Variants in SNX1 observed in about 807,000 individuals in gnomAD.
SNX1 encodes the protein sorting nexin 1, also known as sorting nexin-1.
A neutral mutation model predicts 71.8 loss-of-function variants in SNX1; 36 were observed. The observed-to-expected ratio is 0.50, with a 90% CI of 0.38 to 0.66. SNX1 has a LOEUF of 0.66. Among genes scored for constraint, SNX1 ranks in the 30% least tolerant of loss-of-function variants. The probability of loss-of-function intolerance (pLI) is 0.00; values close to 1 mark genes in which losing one functional copy is unlikely to be tolerated. For synonymous variants in SNX1, 254 were observed against 240.7 expected (o/e 1.06, Z -0.51); for missense variants, 612 against 646.7 (o/e 0.95, Z 0.58).
chr15:64,131,598 A>G, intron 10 of SNX1, 89 bp from the exon 11 acceptor site: 2 of 1,285,640 alleles, frequency 1.6e-6, no homozygotes, highest in Admixed American at 3.7e-5. Flanking sequence ...AGTGGGCGGC[A>G]TTGCTAAGAC....
At chr15:64,116,503 G>A (rs190373543) in intron 2 of SNX1, among the ~76,000 whole-genome samples, 4 of 152,308 alleles carry the variant, frequency 2.6e-5, no homozygotes, top group Admixed American at 2.6e-4. Flanking sequence ...TGGCACCCCT[G>A]TTTGCAGACT....
chr15:64,130,177 A>T (rs35179706), intron 9 of SNX1, 51 bp from the exon 10 acceptor site: 2 of 1,531,054 alleles, frequency 1.3e-6, no homozygotes, highest in Admixed American at 1.7e-5. Flanking sequence ...GAAAGACTGT[A>T]CTGCACCCAT....
chr15:64,123,499 A>G lies in SNX1; in HGVS notation c.467-4A>G. ...TAATCTTCTGCTTTCTTGTTCTCTC[A>G]CAGGGGATGGTATGAATGCATATGT... On this transcript the variant is annotated splice_polypyrimidine_tract_variant and splice_region_variant and intron_variant, in intron 4 of 14. Transcript: ENST00000559844. 6.2e-7 allele frequency: 1 copy of G among 1,613,420 alleles called. No individual in the cohort carries two copies. The highest frequency in any genetic ancestry group is 8.5e-7 in the Non-Finnish European group (1 of 1,179,434).
chr15:64,123,598 T>C (rs376383142), intron 5 of SNX1, 52 bp downstream of exon 5: 136 of 1,392,942 alleles, frequency 9.8e-5, no homozygotes, highest in African/African-American at 2.8e-4. Context: ...TTGGTGCTTA[T>C]ACCAAGGTCA....
At chr15:64,118,760 T>C in intron 3 of SNX1, 28 bp from the exon 4 acceptor site, 1 of 1,568,540 alleles carries the variant, frequency 6.4e-7, no homozygotes, top group Non-Finnish European at 8.8e-7. Flanking sequence ...TCATATCAAC[T>C]CTCATGATTT....
At position 64,138,528 on chromosome 15, in the gene SNX1, G is replaced by T; in HGVS notation, c.*910G>T. On this transcript the variant is annotated 3_prime_UTR_variant, in exon 15 of 15. Coordinates refer to ENST00000559844, the MANE Select transcript of SNX1 (RefSeq NM_003099.5). Reference sequence around the variant, plus strand: ...TGTGAAGGTCTGATAATGACTTGATGCTTTGTCTCCATAGACATGAAAGCC... The same window carrying T: ...TGTGAAGGTCTGATAATGACTTGATTCTTTGTCTCCATAGACATGAAAGCC... 1 of 211,930 alleles carries T rather than the reference G, an allele frequency of 4.7e-6. No homozygotes were observed. The allele number at this position is 211,930 out of a possible 1,614,324, so 13.1% of individuals were successfully genotyped here. A position where few individuals can be genotyped will look rare whatever the true frequency, so the allele number is the denominator to read the frequency against.
In SNX1 at chr15:64,138,383, TC is replaced by T; in HGVS notation, c.*767del. 1.8e-6 allele frequency: 1 copy of T among 553,566 alleles called. No individual in the cohort carries two copies. The highest frequency in any genetic ancestry group is 3.2e-5 in the East Asian group (1 of 31,714). The allele number at this position is 553,566 out of a possible 1,614,324, so 34.3% of individuals were successfully genotyped here. A position where few individuals can be genotyped will look rare whatever the true frequency, so the allele number is the denominator to read the frequency against. On this transcript the variant is annotated 3_prime_UTR_variant, in exon 15 of 15. Coordinates refer to ENST00000559844, the MANE Select transcript of SNX1 (RefSeq NM_003099.5). Reference sequence around the variant, plus strand: ...AGCAAGAGCCTTTCTCTTTTATTCTTCCTGCTTCCCTAAGCTGCTCAGGGTT... The same window carrying T: ...AGCAAGAGCCTTTCTCTTTTATTCTTCTGCTTCCCTAAGCTGCTCAGGGTT...
Position 64,137,814 on chromosome 15 carries a change from A to G in SNX1, c.*196A>G. 1.4e-6 allele frequency: 2 copies of G among 1,421,846 alleles called. No individual in the cohort carries two copies. Among genetic ancestry groups the G allele is most frequent in the East Asian group, 5.0e-5 (2 of 39,798 alleles). The allele number at this position is 1,421,846 out of a possible 1,614,324, so 88.1% of individuals were successfully genotyped here. ...TTCCATATATATTTTCTTACCTAAG[A>G]GAATAGTTTCCTGCTTTAAGCAAAA... On this transcript the variant is annotated 3_prime_UTR_variant, in exon 15 of 15. Transcript: ENST00000559844.
chr15:64,126,058 G>A (rs377255219), intron 5 of SNX1, 21 bp from the exon 6 acceptor site: 165 of 1,613,606 alleles, frequency 1.0e-4, no homozygotes, highest in Non-Finnish European at 1.3e-4. Flanking sequence ...AAATTGCCTT[G>A]TGTTTTTTCC....
chr15:64,127,954 T>C, intron 8 of SNX1, 148 bp downstream of exon 8: 2 of 614,568 alleles, frequency 3.3e-6, no homozygotes, highest in Non-Finnish European at 2.8e-6. Flanking sequence ...GTGACAAGTA[T>C]TTTTCAGCCT....
At chr15:64,123,809 A>T (rs2081219974) in intron 5 of SNX1, among the ~76,000 whole-genome samples, 1 of 152,158 alleles carries the variant, frequency 6.6e-6, no homozygotes, top group Non-Finnish European at 1.5e-5. Context: ...CATCCCTCTT[A>T]GAGAACCATG....
At chr15:64,111,135 A>G (rs2081074095) in intron 1 of SNX1, among the ~76,000 whole-genome samples, 1 of 152,250 alleles carries the variant, frequency 6.6e-6, no homozygotes, top group Non-Finnish European at 1.5e-5. Flanking sequence ...TATGTACTGT[A>G]CAAGAGTGTA....
Position 64,129,760 on chromosome 15 carries a change from TTAG to T in SNX1, c.808-154_808-152del, listed in dbSNP as rs1277593314. ...TCTTTGATTTTTCTGTATGGACATG[TTAG>T]TTGTGGATTCCTCAGACTGCCTTTG... On this transcript the variant is annotated intron_variant, in intron 8 of 14. Coordinates refer to ENST00000559844, the MANE Select transcript of SNX1 (RefSeq NM_003099.5). This position sits in a 1 kb window ranked among gnomAD's most constrained non-coding sequence, Gnocchi z 4.4. 9 of 598,886 alleles carry T rather than the reference TTAG, an allele frequency of 1.5e-5. No homozygotes were observed. In the Middle Eastern group the frequency reaches 1.8e-3, roughly 119 times the overall value. 37.1% of individuals were successfully genotyped at this position (598,886 alleles called of 1,614,324 possible). A position where few individuals can be genotyped will look rare whatever the true frequency, so the allele number is the denominator to read the frequency against.
Position 64,134,892 on chromosome 15 carries a change from C to G in SNX1, c.1365+85C>G. The stretch of plus-strand genomic sequence containing the variant: ...CCCATCCCACCCAGAGGTTTGGAAC[C>G]CCACAGGGGGAAGAGCGCTGATTGA... On this transcript the variant is annotated intron_variant, in intron 12 of 14. Transcript: ENST00000559844. The surrounding 1 kb of genome is among the most constrained non-coding windows in gnomAD (Gnocchi z 4.1). The G allele has an allele frequency of 6.5e-7, 1 of 1,535,356 alleles. No homozygotes were observed. The highest frequency in any genetic ancestry group is 8.8e-7 in the Non-Finnish European group (1 of 1,133,234).
Position 64,141,505 on chromosome 15 carries a change from ACT to A in SNX1, c.*3888_*3889del, listed in dbSNP as rs1290593903. The A allele has an allele frequency of 2.0e-5, 3 of 152,306 alleles. No individual in the cohort carries two copies. The East Asian group carries it at 5.8e-4, about 29-fold the overall frequency. 9.4% of individuals were successfully genotyped at this position (152,306 alleles called of 1,614,324 possible). On this transcript the variant is annotated 3_prime_UTR_variant, in exon 15 of 15. Coordinates refer to ENST00000559844, the MANE Select transcript of SNX1 (RefSeq NM_003099.5). This position sits in a 1 kb window ranked among gnomAD's most constrained non-coding sequence, Gnocchi z 5.1. ...TCCAGCTGGGGACCCAGGAGGGAGG[ACT>A]TTGTGGAGAACCTGATGCTTGAACT...
chr15:64,099,472 G>A (rs763830696), intron 1 of SNX1, among the ~76,000 whole-genome samples: 2 of 152,154 alleles, frequency 1.3e-5, no homozygotes, highest in Non-Finnish European at 2.9e-5. Context: ...TTAAAAATGG[G>A]TAATACAGTT....
In SNX1 at chr15:64,132,708, C is replaced by T. The variant is rs565841821; in HGVS notation, c.1221+816C>T. Among the ~76,000 whole-genome samples, 29 of 152,280 alleles carry T rather than the reference C, an allele frequency of 1.9e-4. No homozygotes were observed. The South Asian group carries it at 2.1e-3, about 11-fold the overall frequency. ...GCCTCAGAGTTAGAACAGTGCCCCCCGCTCGTTCCCCGTCCCCAACATATC... is the reference window on the plus strand; with the variant it reads ...GCCTCAGAGTTAGAACAGTGCCCCCTGCTCGTTCCCCGTCCCCAACATATC... On this transcript the variant is annotated intron_variant, in intron 11 of 14. Coordinates refer to ENST00000559844, the MANE Select transcript of SNX1 (RefSeq NM_003099.5).
intron 5 of SNX1, among the ~76,000 whole-genome samples, chr15:64,125,299 C>T (rs2081239219): frequency 1.3e-5 from 2 of 152,010 alleles, no homozygotes; most frequent in South Asian, 4.2e-4. Context: ...CCCATCTCTA[C>T]TAAAAAACTA....
In SNX1 at chr15:64,129,548, A is replaced by C. The variant is rs28466886; in HGVS notation, c.808-368A>C. Among the ~76,000 whole-genome samples, 886 of 152,326 alleles carry C rather than the reference A, an allele frequency of 5.8e-3. 8 individuals carry two copies. Among genetic ancestry groups the C allele is most frequent in the African/African-American group, 0.021 (853 of 41,576 alleles). Reference sequence around the variant, plus strand: ...TTAAGACTTTTAAGTCTGGTTTTGTACAAAGTGTGCTAATCCAAGGGAACT... The same window carrying C: ...TTAAGACTTTTAAGTCTGGTTTTGTCCAAAGTGTGCTAATCCAAGGGAACT... On this transcript the variant is annotated intron_variant, in intron 8 of 14. Coordinates refer to ENST00000559844, the MANE Select transcript of SNX1 (RefSeq NM_003099.5). The surrounding 1 kb of genome is among the most constrained non-coding windows in gnomAD (Gnocchi z 4.4).
Sources: allele counts gnomAD v4.1 joint callset (sites outside exome capture counted in the v4.1 genomes callset), GRCh38; gene constraint gnomAD v4.1.1; non-coding constraint Gnocchi (gnomAD v3.1); transcripts MANE v1.5; gene names NCBI Gene and HGNC (gene_info 2026-07-23, HGNC 2026-07-21).